The following HPD variants were observed in gnomAD, a reference collection of about 807,000 sequenced individuals.
HPD encodes the protein 4-hydroxyphenylpyruvate dioxygenase, also known as 4-hydroxyphenylpyruvic acid oxidase.
Under a neutral mutation model 56.9 loss-of-function variants are expected in HPD, and 35 were observed. The ratio of observed to expected loss-of-function variants is 0.62; its 90% CI spans 0.47 to 0.82. The LOEUF (loss-of-function observed/expected upper bound fraction) is 0.82, where lower values mean the gene tolerates loss of function less well. HPD is among the 40% of genes least tolerant of loss of function. HPD has a pLI of 0.00. For synonymous variants in HPD, 186 were observed against 200.2 expected, an observed-to-expected ratio of 0.93 and a Z score of 0.60; for missense variants, 442 against 506.8, an observed-to-expected ratio of 0.87 and a Z score of 1.23.
chr12:121,875,894 G>A, the HPD span, among the ~76,000 whole-genome samples: 1 of 152,144 alleles, frequency 6.6e-6, no homozygotes, highest in Non-Finnish European at 1.5e-5. Context: ...GCTGAGTCTG[G>A]AGGATCATTT....
chr12:121,839,987 G>A lies in HPD; in HGVS notation c.1016C>T (p.Pro339Leu). ...KGYLLQIFTK[P>L]VQDRPTLFLE... ...GAAGAGCGTGGGCCGGTCCTGCACC[G>A]GTTTGGTGAAGATCTGCAGGAGGTA... The change falls in exon 13 of 14, where the codon CCG becomes CTG. Residue 339 changes from proline (P) to leucine (L), a missense_variant. Physicochemically the swap from Pro to Leu is moderately conservative, Grantham distance 98. Coordinates refer to ENST00000289004, the MANE Select transcript of HPD (RefSeq NM_002150.3). 1 of 1,614,020 alleles carries A rather than the reference G, an allele frequency of 6.2e-7. No individual in the cohort carries two copies. Among genetic ancestry groups the A allele is most frequent in the Non-Finnish European group, 8.5e-7 (1 of 1,179,952 alleles).
In HPD at chr12:121,848,850, C is replaced by T. The variant is rs1057303182; in HGVS notation, c.596+149G>A. 12 of 734,214 alleles carry T rather than the reference C, an allele frequency of 1.6e-5. No homozygotes were observed. In the Admixed American group the frequency reaches 2.3e-4, roughly 14 times the overall value. 45.5% of individuals were successfully genotyped at this position (734,214 alleles called of 1,614,324 possible). A position where few individuals can be genotyped will look rare whatever the true frequency, so the allele number is the denominator to read the frequency against. ...TGAACCCCTGACCTCAAGTGATCCT[C>T]CCACCTCGGCTTCCCAGAATGCTGG... On this transcript the variant is annotated intron_variant, in intron 9 of 13. Transcript: ENST00000289004.
Position 121,856,360 on chromosome 12 carries a change from A to G in HPD, c.288T>C (p.Ile96=), listed in dbSNP as rs1050846876. ...LVKHGDGVKD[I]AFEVEDCDYI... ...AGTCACAATCTTCCACCTCGAACGCAATGTCCTTCACTCCGTCACCGTGTT... is the reference window on the plus strand; with the variant it reads ...AGTCACAATCTTCCACCTCGAACGCGATGTCCTTCACTCCGTCACCGTGTT... Residue 96 remains isoleucine, a synonymous_variant, in exon 6 of 14, where the codon ATT becomes ATC. Transcript: ENST00000289004. 4 of 1,613,912 alleles carry G rather than the reference A, an allele frequency of 2.5e-6. No homozygotes were observed. In the South Asian group the frequency reaches 3.3e-5, roughly 13 times the overall value.
intron 12 of HPD, among the ~76,000 whole-genome samples, chr12:121,843,276 T>C (rs555446169): frequency 6.6e-6 from 1 of 152,284 alleles, no homozygotes; most frequent in African/African-American, 2.4e-5. Context: ...AGGTCATCGC[T>C]CAAAAACAGC....
At chr12:121,865,540 A>C (rs1878303611), upstream of HPD, among the ~76,000 whole-genome samples, 1 of 147,524 alleles carries the variant, frequency 6.8e-6, no homozygotes, top group African/African-American at 2.5e-5. Flanking sequence ...AAGTGCTGGG[A>C]TTACAGGCAT....
upstream of HPD, among the ~76,000 whole-genome samples, chr12:121,865,719 G>A (rs1285298000): frequency 6.6e-6 from 1 of 151,926 alleles, no homozygotes; most frequent in Non-Finnish European, 1.5e-5. Flanking sequence ...GCTGGGTGTG[G>A]TGGCTCATGC....
At chr12:121,851,682 CATTTATTT>C (rs1240851881) in intron 7 of HPD, among the ~76,000 whole-genome samples, 5 of 25,410 alleles carry the variant, frequency 2.0e-4, no homozygotes, top group African/African-American at 8.9e-4. Flanking sequence ...CATTTTTATT[CATTTATTT>C]ATTTATTTAT....
chr12:121,865,149 T>C (rs1027072443), upstream of HPD, among the ~76,000 whole-genome samples: 21 of 152,066 alleles, frequency 1.4e-4, no homozygotes, highest in South Asian at 6.2e-4. Flanking sequence ...GCACCCGTAG[T>C]TTCGGCTACT....
chr12:121,853,033 G>A (rs942820705), intron 7 of HPD, among the ~76,000 whole-genome samples: 1 of 152,174 alleles, frequency 6.6e-6, no homozygotes, highest in African/African-American at 2.4e-5. Flanking sequence ...CGGGGACATG[G>A]ATGGAGCTGG....
At chr12:121,846,780 C>T (rs1877597878) in intron 11 of HPD, 82 bp downstream of exon 11, 12 of 1,344,194 alleles carry the variant, frequency 8.9e-6, no homozygotes, top group South Asian at 3.7e-5. Context: ...CCAGGACTGC[C>T]GCCACCCGCC....
At chr12:121,881,442 G>A in the HPD span, among the ~76,000 whole-genome samples, 1 of 152,084 alleles carries the variant, frequency 6.6e-6, no homozygotes, top group Non-Finnish European at 1.5e-5. Context: ...CCTGCCAGAC[G>A]TTGTTTTAGC....
At chr12:121,857,571 C>G in intron 3 of HPD, 139 bp from the exon 4 acceptor site, 12 of 829,502 alleles carry the variant, frequency 1.4e-5, no homozygotes, top group Non-Finnish European at 2.5e-5. Context: ...AGATAGACTG[C>G]TGCCTGCACA....
intron 11 of HPD, among the ~76,000 whole-genome samples, chr12:121,844,951 T>C (rs974600295): frequency 6.7e-6 from 1 of 149,148 alleles, no homozygotes; most frequent in African/African-American, 2.5e-5. Flanking sequence ...AGGCGTGGTG[T>C]CATGCACCTG....
At chr12:121,840,984 A>G (rs547746619) in intron 12 of HPD, among the ~76,000 whole-genome samples, 312 of 151,746 alleles carry the variant, frequency 2.1e-3, no homozygotes, top group African/African-American at 6.9e-3. Flanking sequence ...ACCCGAGGTC[A>G]GGAGTTCGAG....
the HPD span, among the ~76,000 whole-genome samples, chr12:121,884,183 T>C: frequency 6.6e-6 from 1 of 151,496 alleles, no homozygotes; most frequent in Non-Finnish European, 1.5e-5. Flanking sequence ...TTTTTTTTTT[T>C]TTTTTGAGAC....
chr12:121,847,380 G>A (rs1026363965), intron 9 of HPD, among the ~76,000 whole-genome samples, 166 bp from the exon 10 acceptor site: 1 of 152,034 alleles, frequency 6.6e-6, no homozygotes, highest in Admixed American at 6.6e-5. Flanking sequence ...GTTGTTGCTC[G>A]AGACAGAGTC....
upstream of HPD, among the ~76,000 whole-genome samples, chr12:121,865,745 T>C (rs1050969280): frequency 7.9e-5 from 12 of 152,010 alleles, no homozygotes; most frequent in African/African-American, 2.9e-4. Context: ...ATCCCAGCAC[T>C]TTGGGAGGCC....
At chr12:121,872,961 G>C in the HPD span, among the ~76,000 whole-genome samples, 2 of 151,948 alleles carry the variant, frequency 1.3e-5, no homozygotes, top group Non-Finnish European at 2.9e-5. Flanking sequence ...TTTGAGTTGG[G>C]TTTCTGGCAT....
At chr12:121,883,328 G>A in the HPD span, among the ~76,000 whole-genome samples, 1 of 151,578 alleles carries the variant, frequency 6.6e-6, no homozygotes, top group African/African-American at 2.4e-5. Flanking sequence ...TTAAGCAGTA[G>A]CGTGCCAATG....
Sources: gnomAD v4.1 joint callset for allele counts (sites outside exome capture counted in the v4.1 genomes callset) on GRCh38, gnomAD v4.1.1 for gene constraint, MANE v1.5 for transcripts, NCBI Gene and HGNC (gene_info 2026-07-23, HGNC 2026-07-21) for gene names.